Variants in DCC observed in about 807,000 individuals in gnomAD.
DCC encodes DCC netrin 1 receptor.
DCC carries 58 observed loss-of-function variants against 172.5 expected under a neutral mutation model. That is an observed-to-expected ratio of 0.34 (90% CI 0.27 to 0.42). DCC has a LOEUF of 0.42. Ranked by LOEUF, DCC falls within the 10% of genes least tolerant of loss-of-function variation. The probability of loss-of-function intolerance (pLI) is 1.00; values close to 1 mark genes in which losing one functional copy is unlikely to be tolerated. For synonymous variants in DCC, 709 were observed against 644.5 expected, an observed-to-expected ratio of 1.10 and a Z score of -1.52; for missense variants, 1,740 against 1,791.0, an observed-to-expected ratio of 0.97 and a Z score of 0.51.
chr18:53,077,205 GTA>G (rs35919474), intron 7 of DCC, among the ~76,000 whole-genome samples: 25 of 148,440 alleles, frequency 1.7e-4, no homozygotes, highest in Admixed American at 3.4e-4. Flanking sequence ...TTGTTCACAT[GTA>G]TATATATATA....
chr18:52,845,009 G>A (rs533260522), intron 2 of DCC, among the ~76,000 whole-genome samples: 1 of 152,288 alleles, frequency 6.6e-6, no homozygotes, highest in South Asian at 2.1e-4. Context: ...CTAACACAAT[G>A]CAAAGACCTG....
At chr18:52,991,100 T>C (rs886751167) in intron 5 of DCC, among the ~76,000 whole-genome samples, 1 of 152,180 alleles carries the variant, frequency 6.6e-6, no homozygotes, top group African/African-American at 2.4e-5. Flanking sequence ...TACCTACATA[T>C]GGCTCGATTG....
intron 13 of DCC, among the ~76,000 whole-genome samples, chr18:53,319,465 A>T (rs1288557961): frequency 6.6e-6 from 1 of 152,170 alleles, no homozygotes; most frequent in Non-Finnish European, 1.5e-5. Context: ...CAGGGGTTGC[A>T]ATCCTAATCT....
At chr18:53,251,250 A>ACAAACAGC (rs1281864132) in intron 12 of DCC, among the ~76,000 whole-genome samples, 1 of 151,970 alleles carries the variant, frequency 6.6e-6, no homozygotes, top group African/African-American at 2.4e-5. Flanking sequence ...CCTAATGCTT[A>ACAAACAGC]CAAACAGCCT....
At chr18:53,119,571 C>T (rs1413460190) in intron 7 of DCC, among the ~76,000 whole-genome samples, 2 of 151,840 alleles carry the variant, frequency 1.3e-5, no homozygotes, top group Non-Finnish European at 2.9e-5. Flanking sequence ...CTTATTAAAA[C>T]ATTTTAAAAT....
chr18:52,906,024 CTTCT>C lies in DCC; in HGVS notation c.413-17_413-14del, dbSNP rs1298067863. 3.9e-6 allele frequency: 6 copies of C among 1,536,838 alleles called. No individual in the cohort carries two copies. The African/African-American group carries it at 6.8e-5, about 17-fold the overall frequency. ...GCTTTATTTGGAAGACTTATTCTTC[CTTCT>C]TTGTTTTTCTCCTAGGACCACTGAG... is the stretch of plus-strand genomic sequence containing the variant. On this transcript the variant is annotated splice_polypyrimidine_tract_variant and intron_variant, in intron 2 of 28. Coordinates refer to ENST00000442544, the MANE Select transcript of DCC (RefSeq NM_005215.4).
chr18:53,064,473 G>T (rs1208580954), intron 6 of DCC, among the ~76,000 whole-genome samples: 2 of 152,124 alleles, frequency 1.3e-5, no homozygotes, highest in Non-Finnish European at 2.9e-5. Flanking sequence ...GGCAGAATGA[G>T]ACTAGAGCAT....
chr18:53,069,362 C>A (rs2042621275), intron 7 of DCC, among the ~76,000 whole-genome samples: 1 of 152,120 alleles, frequency 6.6e-6, no homozygotes, highest in Non-Finnish European at 1.5e-5. Context: ...TCTATTTCGA[C>A]CCTTGAGAAG....
At chr18:52,341,681 C>T (rs1198635146) in intron 1 of DCC, among the ~76,000 whole-genome samples, 3 of 152,134 alleles carry the variant, frequency 2.0e-5, no homozygotes, top group Non-Finnish European at 2.9e-5. Flanking sequence ...GAAAGAGGGA[C>T]CTGGAGGCTG....
chr18:53,115,311 G>T lies in DCC; in HGVS notation c.1262-42045G>T, dbSNP rs573385719. Among the ~76,000 whole-genome samples the T allele has an allele frequency of 7.9e-5, 12 of 151,622 alleles. 1 individual carries two copies. In the South Asian group the frequency reaches 2.5e-3, roughly 31 times the overall value. ...ACAAAATAAAAGACATTTCCATGATGATATCTAATATATTTTCATGGAGAC... is the reference window on the plus strand; with the variant it reads ...ACAAAATAAAAGACATTTCCATGATTATATCTAATATATTTTCATGGAGAC... On this transcript the variant is annotated intron_variant, in intron 7 of 28. Transcript: ENST00000442544.
chr18:53,180,357 A>G (rs2144484346), intron 9 of DCC, among the ~76,000 whole-genome samples: 1 of 152,370 alleles, frequency 6.6e-6, no homozygotes, highest in Non-Finnish European at 1.5e-5. Flanking sequence ...CTTCAAAAGC[A>G]TAGTCATGTT....
At chr18:53,138,786 C>G (rs374307738) in intron 7 of DCC, among the ~76,000 whole-genome samples, 4 of 152,188 alleles carry the variant, frequency 2.6e-5, no homozygotes, top group Non-Finnish European at 5.9e-5. Context: ...AGCTGCTACT[C>G]TGATAAGCTA....
chr18:52,689,416 G>A (rs1599020731), intron 1 of DCC, among the ~76,000 whole-genome samples: 1 of 152,118 alleles, frequency 6.6e-6, no homozygotes, highest in Admixed American at 6.6e-5. Context: ...GAAATAATGA[G>A]TAGAAAGACT....
At chr18:52,472,844 C>A (rs1214117484) in intron 1 of DCC, among the ~76,000 whole-genome samples, 1 of 152,128 alleles carries the variant, frequency 6.6e-6, no homozygotes. Context: ...GGGTTTGAGG[C>A]TGCAGTCAAC....
At chr18:53,398,753 G>T (rs1164955356) in intron 18 of DCC, among the ~76,000 whole-genome samples, 1 of 152,074 alleles carries the variant, frequency 6.6e-6, no homozygotes, top group Non-Finnish European at 1.5e-5. Context: ...GCCTAGCCTT[G>T]TAGGGACACC....
intron 14 of DCC, among the ~76,000 whole-genome samples, chr18:53,337,272 G>C (rs1183301244): frequency 1.3e-5 from 2 of 152,146 alleles, no homozygotes; most frequent in Non-Finnish European, 2.9e-5. Flanking sequence ...CTTTTAAAAA[G>C]TCATAAATGC....
intron 2 of DCC, among the ~76,000 whole-genome samples, chr18:52,815,411 TACAC>T (rs34924244): frequency 0.44 from 66,305 of 149,856 alleles, 14,777 homozygotes; most frequent in East Asian, 0.64. Context: ...TTCTCACACG[TACAC>T]ACACACACAC....
At chr18:52,988,604 A>C (rs1348994697) in intron 5 of DCC, among the ~76,000 whole-genome samples, 2 of 152,172 alleles carry the variant, frequency 1.3e-5, no homozygotes, top group African/African-American at 4.8e-5. Context: ...ACATGGTAAT[A>C]TAAGCATTGT....
At chr18:53,133,641 C>G (rs569071366) in intron 7 of DCC, among the ~76,000 whole-genome samples, 2 of 152,294 alleles carry the variant, frequency 1.3e-5, no homozygotes, top group East Asian at 3.9e-4. Flanking sequence ...AGAGATAAAA[C>G]AGAAAACTAT....
Sources: gnomAD v4.1 joint callset for allele counts (sites outside exome capture counted in the v4.1 genomes callset) on GRCh38, gnomAD v4.1.1 for gene constraint, MANE v1.5 for transcripts, NCBI Gene and HGNC (gene_info 2026-07-23, HGNC 2026-07-21) for gene names.